The following SLC39A11 variants were observed in gnomAD, a reference collection of about 807,000 sequenced individuals.
SLC39A11 encodes solute carrier family 39 member 11, also known as zinc transporter ZIP11.
A neutral mutation model predicts 36.1 loss-of-function variants in SLC39A11; 33 were observed. That is an observed-to-expected ratio of 0.91 (90% CI 0.69 to 1.22). The LOEUF is 1.22. Ranked by LOEUF, SLC39A11 falls within the 50% of genes most tolerant of loss-of-function variation. The pLI is 0.00. For missense variants in SLC39A11, 432 were observed against 430.3 expected, an observed-to-expected ratio of 1.00 and a Z score of -0.03; for synonymous variants, 166 against 170.3, an observed-to-expected ratio of 0.97 and a Z score of 0.20.
At chr17:72,903,075 G>T (rs1470029555) in intron 5 of SLC39A11, among the ~76,000 whole-genome samples, 1 of 152,084 alleles carries the variant, frequency 6.6e-6, no homozygotes, top group Non-Finnish European at 1.5e-5. Flanking sequence ...AGACCAGCCT[G>T]ACCAAATGAT....
At chr17:72,866,438 T>A (rs989169408) in intron 5 of SLC39A11, among the ~76,000 whole-genome samples, 7 of 152,230 alleles carry the variant, frequency 4.6e-5, no homozygotes, top group Non-Finnish European at 1.0e-4. Flanking sequence ...ATAAATGTAA[T>A]GTGTGTGAAT....
At chr17:73,054,638 T>C (rs938940166) in intron 3 of SLC39A11, among the ~76,000 whole-genome samples, 4 of 151,772 alleles carry the variant, frequency 2.6e-5, no homozygotes, top group Admixed American at 6.6e-5. Context: ...TGAAACCCCA[T>C]CTCTACTAAA....
chr17:73,000,955 T>C (rs2089786145), intron 4 of SLC39A11, among the ~76,000 whole-genome samples: 1 of 152,330 alleles, frequency 6.6e-6, no homozygotes, highest in East Asian at 1.9e-4. Flanking sequence ...GAAATGCTTC[T>C]TCACTGTGGC....
At chr17:72,781,378 C>T (rs770523862) in intron 6 of SLC39A11, among the ~76,000 whole-genome samples, 1 of 151,986 alleles carries the variant, frequency 6.6e-6, no homozygotes, top group African/African-American at 2.4e-5. Context: ...AATGCTTTGA[C>T]ATTTCCATCA....
intron 7 of SLC39A11, among the ~76,000 whole-genome samples, chr17:72,716,968 C>CAA (rs761854832): frequency 0.051 from 4,514 of 88,388 alleles, 79 homozygotes; most frequent in African/African-American, 0.082. Flanking sequence ...GACCCTGTCT[C>CAA]AAAAAAAAAA....
intron 7 of SLC39A11, among the ~76,000 whole-genome samples, chr17:72,678,699 G>C (rs1273889522): frequency 6.6e-6 from 1 of 151,778 alleles, no homozygotes. Context: ...AAAAAAAAGA[G>C]AGAAACTCCA....
intron 6 of SLC39A11, among the ~76,000 whole-genome samples, chr17:72,786,096 C>T (rs929135275): frequency 3.3e-5 from 5 of 152,168 alleles, no homozygotes; most frequent in Non-Finnish European, 5.9e-5. Flanking sequence ...TATAGGGTAG[C>T]AAGCATATGC....
At chr17:72,748,779 T>A (rs1378070981) in intron 6 of SLC39A11, among the ~76,000 whole-genome samples, 1 of 152,188 alleles carries the variant, frequency 6.6e-6, no homozygotes, top group East Asian at 1.9e-4. Flanking sequence ...TCCGAGCTGT[T>A]CCAACTAACG....
chr17:72,687,009 C>G lies in SLC39A11; in HGVS notation c.672-37741G>C, dbSNP rs183202644. ...GGGAATTCTTTTCTTCAAATAAAGT[C>G]CTTTTTTTTAAGTGTTTTAATTTTG... On this transcript the variant is annotated intron_variant, in intron 7 of 9. Transcript: ENST00000255559. 3.9e-5 allele frequency among the ~76,000 whole-genome samples: 6 copies of G among 152,246 alleles called. No homozygotes were observed. In the East Asian group the frequency reaches 1.2e-3, roughly 29 times the overall value.
At position 73,032,793 on chromosome 17, in the gene SLC39A11, T is replaced by C. The variant is rs183559887; in HGVS notation, c.148-1079A>G. Among the ~76,000 whole-genome samples, 21 of 152,350 alleles carry C rather than the reference T, an allele frequency of 1.4e-4. No homozygotes were observed. The East Asian group carries it at 4.1e-3, about 29-fold the overall frequency. On this transcript the variant is annotated intron_variant, in intron 3 of 9. Coordinates refer to ENST00000255559, the MANE Select transcript of SLC39A11 (RefSeq NM_139177.4). ...TATCTCTAAAAAGGACGAAGGGAAC[T>C]AATATTTATTGATCACTTGGTATTT...
intron 4 of SLC39A11, among the ~76,000 whole-genome samples, chr17:72,973,715 T>C (rs2087630878): frequency 6.6e-6 from 1 of 152,156 alleles, no homozygotes; most frequent in Admixed American, 6.5e-5. Flanking sequence ...TGTGCCACCA[T>C]GCCCAGCTAA....
chr17:73,026,200 G>GGAAGAGAAGAGAAGA (rs763842495), intron 4 of SLC39A11, among the ~76,000 whole-genome samples: 1 of 126,924 alleles, frequency 7.9e-6, no homozygotes, highest in African/African-American at 3.0e-5. Flanking sequence ...AGAAGAGAAG[G>GGAAGAGAAGAGAAGA]GAAGAGAAGA....
intron 5 of SLC39A11, among the ~76,000 whole-genome samples, chr17:72,906,458 G>A (rs2082662254): frequency 6.6e-6 from 1 of 152,264 alleles, no homozygotes; most frequent in South Asian, 2.1e-4. Context: ...CTGGGTCTGT[G>A]CACACAGTTG....
intron 6 of SLC39A11, among the ~76,000 whole-genome samples, chr17:72,825,617 C>T (rs988996075): frequency 3.9e-5 from 6 of 152,214 alleles, no homozygotes; most frequent in African/African-American, 1.4e-4. Flanking sequence ...AGGCACTCAA[C>T]ATGAGCCTGG....
In SLC39A11 at chr17:72,729,405, TTATATATATATATATATA is replaced by T. The variant is rs1162603035; in HGVS notation, c.671+7227_671+7244del. Among the ~76,000 whole-genome samples, 48 of 29,222 alleles carry T rather than the reference TTATATATATATATATATA, an allele frequency of 1.6e-3. 1 individual carries two copies. Among genetic ancestry groups the T allele is most frequent in the South Asian group, 1.9e-3 (1 of 520 alleles). The allele number at this position is 29,222 out of a possible 152,430, so 19.2% of individuals were successfully genotyped here. On this transcript the variant is annotated intron_variant, in intron 7 of 9. Transcript: ENST00000255559. The stretch of plus-strand genomic sequence containing the variant: ...GGTGCATGCCACCCCACCTGGCTAT[TTATATATATATATATATA>T]TATATATATATATATATATATATAT...
intron 5 of SLC39A11, among the ~76,000 whole-genome samples, chr17:72,852,260 T>A (rs1304314379): frequency 1.4e-5 from 2 of 142,130 alleles, no homozygotes; most frequent in Admixed American, 1.4e-4. Context: ...ATTTTGTATT[T>A]ATTTGCTCAA....
intron 4 of SLC39A11, among the ~76,000 whole-genome samples, chr17:72,994,383 G>A (rs1452726112): frequency 2.6e-5 from 4 of 152,090 alleles, no homozygotes; most frequent in South Asian, 2.1e-4. Flanking sequence ...TGTTGTTTAG[G>A]GATGTACATA....
chr17:72,968,940 C>T (rs1346687744), intron 4 of SLC39A11, among the ~76,000 whole-genome samples: 1 of 152,002 alleles, frequency 6.6e-6, no homozygotes, highest in East Asian at 1.9e-4. Context: ...AGTAGGAGAT[C>T]AGAGTCCAGG....
Position 72,658,516 on chromosome 17 carries a change from C to T in SLC39A11, c.672-9248G>A. On this transcript the variant is annotated intron_variant, in intron 7 of 9. Transcript: ENST00000255559. ...TGTTTCGCCCCAGGGGCTGACTTCTCTTCTCCAGCATCCTCCTCCTACTAC... is the reference window on the plus strand; with the variant it reads ...TGTTTCGCCCCAGGGGCTGACTTCTTTTCTCCAGCATCCTCCTCCTACTAC... 2.0e-5 allele frequency among the ~76,000 whole-genome samples: 3 copies of T among 152,306 alleles called. No individual in the cohort carries two copies. In the South Asian group the frequency reaches 6.2e-4, roughly 32 times the overall value.
Sources: allele counts gnomAD v4.1 joint callset (sites outside exome capture counted in the v4.1 genomes callset), GRCh38; gene constraint gnomAD v4.1.1; transcripts MANE v1.5; gene names NCBI Gene and HGNC (gene_info 2026-07-23, HGNC 2026-07-21).